Variants in ERC2 observed in about 807,000 individuals in gnomAD.
ERC2 encodes ERC protein 2.
ERC2 carries 42 observed loss-of-function variants against 114.8 expected under a neutral mutation model. The observed-to-expected ratio is 0.37, with a 90% CI of 0.29 to 0.47. ERC2 has a LOEUF of 0.47. Ranked by LOEUF, ERC2 falls within the 20% of genes least tolerant of loss-of-function variation. The pLI is 0.99. For synonymous variants in ERC2, 454 were observed against 425.5 expected, an observed-to-expected ratio of 1.07 and a Z score of -0.82; for missense variants, 939 against 1,150.7, an observed-to-expected ratio of 0.82 and a Z score of 2.66.
At chr3:56,201,595 CCT>C (rs2048409562) in intron 3 of ERC2, among the ~76,000 whole-genome samples, 1 of 152,152 alleles carries the variant, frequency 6.6e-6, no homozygotes, top group Non-Finnish European at 1.5e-5. Context: ...ACTCAATAAT[CCT>C]CTGTTTATAC....
chr3:56,017,018 G>A (rs1478706007), intron 8 of ERC2, among the ~76,000 whole-genome samples: 2 of 152,126 alleles, frequency 1.3e-5, no homozygotes, highest in African/African-American at 4.8e-5. Flanking sequence ...TGGGAAAGAT[G>A]AAGAAAAAGA....
intron 3 of ERC2, among the ~76,000 whole-genome samples, chr3:56,233,224 A>T (rs1273377582): frequency 6.6e-6 from 1 of 152,216 alleles, no homozygotes; most frequent in Non-Finnish European, 1.5e-5. Flanking sequence ...AATAAAGTCA[A>T]CATTTGTAAA....
intron 17 of ERC2, among the ~76,000 whole-genome samples, chr3:55,573,864 T>A (rs924202910): frequency 2.6e-5 from 4 of 152,140 alleles, no homozygotes; most frequent in African/African-American, 9.7e-5. Context: ...TCCCTACCTT[T>A]AAGTTTTTCT....
chr3:55,818,265 C>T (rs1351625187), intron 14 of ERC2, among the ~76,000 whole-genome samples: 1 of 152,166 alleles, frequency 6.6e-6, no homozygotes, highest in African/African-American at 2.4e-5. Flanking sequence ...CAGCCTAGTC[C>T]CTGCCCTGGG....
intron 3 of ERC2, among the ~76,000 whole-genome samples, chr3:56,252,217 T>C (rs1007356946): frequency 2.6e-5 from 4 of 152,222 alleles, no homozygotes; most frequent in African/African-American, 9.7e-5. Flanking sequence ...AATAATACTT[T>C]CCTTCCAAGT....
intron 2 of ERC2, among the ~76,000 whole-genome samples, chr3:56,375,482 G>A (rs2059504791): frequency 1.3e-5 from 2 of 152,264 alleles, no homozygotes; most frequent in East Asian, 1.9e-4. Flanking sequence ...AAATTTGTAC[G>A]AATATCACTT....
intron 2 of ERC2, among the ~76,000 whole-genome samples, chr3:56,338,525 A>T (rs925401140): frequency 1.3e-4 from 20 of 152,230 alleles, no homozygotes; most frequent in African/African-American, 4.8e-4. Context: ...GAACTGTCTA[A>T]CCTTTCCATC....
At chr3:56,314,958 T>C (rs1023166413) in intron 2 of ERC2, among the ~76,000 whole-genome samples, 2 of 152,180 alleles carry the variant, frequency 1.3e-5, no homozygotes, top group Non-Finnish European at 2.9e-5. Context: ...TGTTACCACA[T>C]AATTAGTTTC....
intron 7 of ERC2, among the ~76,000 whole-genome samples, chr3:56,075,180 A>G (rs907472633): frequency 2.0e-5 from 3 of 152,046 alleles, no homozygotes; most frequent in Non-Finnish European, 4.4e-5. Context: ...TCAAGTGTAA[A>G]GCTTGGAGTC....
intron 7 of ERC2, among the ~76,000 whole-genome samples, chr3:56,033,943 T>A (rs2074632060): frequency 6.6e-6 from 1 of 152,118 alleles, no homozygotes; most frequent in Non-Finnish European, 1.5e-5. Flanking sequence ...CAGCAGTAAG[T>A]CCTTACCTAT....
At chr3:55,514,130 C>T (rs2052317159) in intron 17 of ERC2, among the ~76,000 whole-genome samples, 1 of 152,190 alleles carries the variant, frequency 6.6e-6, no homozygotes, top group Non-Finnish European at 1.5e-5. Context: ...AGCGAGGTGG[C>T]ACATGCCTGT....
chr3:55,955,823 G>T (rs2067913929), intron 12 of ERC2, among the ~76,000 whole-genome samples: 2 of 152,202 alleles, frequency 1.3e-5, no homozygotes, highest in African/African-American at 4.8e-5. Context: ...TCAGCCATAT[G>T]AATCTTCTAG....
At chr3:55,971,038 A>G (rs572091470) in intron 12 of ERC2, among the ~76,000 whole-genome samples, 6 of 152,332 alleles carry the variant, frequency 3.9e-5, no homozygotes, top group Admixed American at 2.6e-4. Flanking sequence ...ATACTATAAC[A>G]TGGATGAAAC....
chr3:56,056,844 T>TA (rs1055187810), intron 7 of ERC2, among the ~76,000 whole-genome samples: 1 of 152,146 alleles, frequency 6.6e-6, no homozygotes, highest in Non-Finnish European at 1.5e-5. Flanking sequence ...TACTCTTTTT[T>TA]AAAAAAGGAT....
chr3:56,448,073 A>G (rs933223657), intron 1 of ERC2, among the ~76,000 whole-genome samples: 1 of 152,110 alleles, frequency 6.6e-6, no homozygotes, highest in Non-Finnish European at 1.5e-5. Context: ...TAGTGAGCAC[A>G]CCTGTGTTAC....
intron 15 of ERC2, among the ~76,000 whole-genome samples, chr3:55,715,883 C>T (rs576805260): frequency 1.8e-4 from 28 of 152,278 alleles, no homozygotes; most frequent in African/African-American, 6.7e-4. Flanking sequence ...TGGAAGGAAG[C>T]TGTTATTTTA....
In ERC2 at chr3:56,019,050, A is replaced by G; in HGVS notation, c.1642-19T>C. 6.3e-7 allele frequency: 1 copy of G among 1,575,660 alleles called. No individual in the cohort carries two copies. The highest frequency in any genetic ancestry group is 8.6e-7 in the Non-Finnish European group (1 of 1,157,628). On this transcript the variant is annotated intron_variant, in intron 7 of 17. Coordinates refer to ENST00000288221, the MANE Select transcript of ERC2 (RefSeq NM_015576.3). Reference sequence around the variant, plus strand: ...TTTCAATCTAAAAATAAAAATCAATATTTTAATGCATATTTGATTACATAT... The same window carrying G: ...TTTCAATCTAAAAATAAAAATCAATGTTTTAATGCATATTTGATTACATAT...
At chr3:56,009,661 C>T (rs9841052) in intron 9 of ERC2, among the ~76,000 whole-genome samples, 5,916 of 152,154 alleles carry the variant, frequency 0.039, 251 homozygotes, top group African/African-American at 0.11. Context: ...AATCTCCACG[C>T]ATCTCAGAGC....
chr3:55,648,706 T>C (rs2060490626), intron 17 of ERC2, among the ~76,000 whole-genome samples: 1 of 152,126 alleles, frequency 6.6e-6, no homozygotes. Context: ...GTCTGTCTAT[T>C]AGAAGAGTAT....
Sources: allele counts gnomAD v4.1 joint callset (sites outside exome capture counted in the v4.1 genomes callset), GRCh38; gene constraint gnomAD v4.1.1; transcripts MANE v1.5; gene names NCBI Gene and HGNC (gene_info 2026-07-23, HGNC 2026-07-21).